Variants in MPPED2 observed in about 807,000 individuals in gnomAD.
MPPED2 encodes metallophosphoesterase MPPED2.
Under a neutral mutation model 33.0 loss-of-function variants are expected in MPPED2, and 5 were observed. The observed-to-expected ratio is 0.15, with a 90% CI of 0.08 to 0.32. The LOEUF (loss-of-function observed/expected upper bound fraction) is 0.32. Among genes scored for constraint, MPPED2 ranks in the 10% least tolerant of loss-of-function variants. The pLI is 1.00. For synonymous variants in MPPED2, 136 were observed against 141.9 expected (o/e 0.96, Z 0.29); for missense variants, 275 against 372.1 (o/e 0.74, Z 2.15).
chr11:30,556,556 A>G (rs1397153553), intron 2 of MPPED2, among the ~76,000 whole-genome samples: 2 of 152,214 alleles, frequency 1.3e-5, no homozygotes, highest in African/African-American at 2.4e-5. Context: ...CAAGTCTGTC[A>G]CTGCTTCCTT....
At chr11:30,517,945 A>T (rs1272002640) in intron 3 of MPPED2, among the ~76,000 whole-genome samples, 1 of 152,200 alleles carries the variant, frequency 6.6e-6, no homozygotes, top group African/African-American at 2.4e-5. Flanking sequence ...TGGTTTACTT[A>T]TGGTAAAAAC....
intron 1 of MPPED2, among the ~76,000 whole-genome samples, chr11:30,585,399 G>A (rs1366735352): frequency 4.0e-5 from 6 of 151,896 alleles, no homozygotes; most frequent in Admixed American, 1.3e-4. Flanking sequence ...GGCCCCGGGG[G>A]CGGCCGCGGG....
At chr11:30,391,696 A>G (rs1274464904) in intron 6 of MPPED2, among the ~76,000 whole-genome samples, 1 of 152,162 alleles carries the variant, frequency 6.6e-6, no homozygotes, top group Non-Finnish European at 1.5e-5. Context: ...AGTTCTCATT[A>G]TTTTCCAATC....
chr11:30,447,859 G>C (rs577295567), intron 4 of MPPED2, among the ~76,000 whole-genome samples: 10 of 152,096 alleles, frequency 6.6e-5, no homozygotes, highest in African/African-American at 2.2e-4. Flanking sequence ...TCCACGAGAC[G>C]TCACCCTACC....
At chr11:30,495,199 T>A in intron 4 of MPPED2, 97 bp downstream of exon 4, 1 of 838,488 alleles carries the variant, frequency 1.2e-6, no homozygotes, top group Non-Finnish European at 2.0e-6. Flanking sequence ...TTTCCTTTCA[T>A]CCTAATCATT....
At chr11:30,564,964 A>AT (rs1407981079) in intron 2 of MPPED2, among the ~76,000 whole-genome samples, 1 of 152,146 alleles carries the variant, frequency 6.6e-6, no homozygotes, top group Non-Finnish European at 1.5e-5. Context: ...ACTGACTCCA[A>AT]TTCATCAAAA....
intron 3 of MPPED2, among the ~76,000 whole-genome samples, chr11:30,529,576 C>T (rs1216813628): frequency 6.6e-6 from 1 of 152,066 alleles, no homozygotes; most frequent in Non-Finnish European, 1.5e-5. Flanking sequence ...TGAATTCACA[C>T]TAATGTTAAC....
chr11:30,533,859 C>T (rs1954670900), intron 3 of MPPED2, among the ~76,000 whole-genome samples: 1 of 152,184 alleles, frequency 6.6e-6, no homozygotes, highest in African/African-American at 2.4e-5. Flanking sequence ...TTAGTTATGA[C>T]ACATTTCCAT....
chr11:30,417,142 A>G (rs957669876), intron 5 of MPPED2, among the ~76,000 whole-genome samples: 3 of 152,122 alleles, frequency 2.0e-5, no homozygotes, highest in Non-Finnish European at 2.9e-5. Context: ...AATTTCCATC[A>G]TTTCATTGCC....
At chr11:30,510,066 A>G (rs886717511) in intron 3 of MPPED2, among the ~76,000 whole-genome samples, 3 of 152,208 alleles carry the variant, frequency 2.0e-5, no homozygotes, top group African/African-American at 4.8e-5. Flanking sequence ...ACTACCAGCA[A>G]GTATCATGCA....
intron 4 of MPPED2, among the ~76,000 whole-genome samples, chr11:30,485,857 G>A (rs1951722903): frequency 6.6e-6 from 1 of 152,108 alleles, no homozygotes; most frequent in Non-Finnish European, 1.5e-5. Flanking sequence ...CCTTGACATT[G>A]CTCTCACAAA....
At chr11:30,398,337 C>T (rs1041222911) in intron 6 of MPPED2, among the ~76,000 whole-genome samples, 4 of 152,190 alleles carry the variant, frequency 2.6e-5, no homozygotes, top group African/African-American at 4.8e-5. Context: ...CTGACCCAAA[C>T]TCTACCTACC....
At position 30,510,535 on chromosome 11, in the gene MPPED2, A is replaced by G. The variant is rs1296078715; in HGVS notation, c.311-15014T>C. 2.6e-5 allele frequency among the ~76,000 whole-genome samples: 4 copies of G among 152,298 alleles called. No homozygotes were observed. The East Asian group carries it at 7.7e-4, about 29-fold the overall frequency. Reference sequence around the variant, plus strand: ...AGAGCAAAAGATTTTCTAGATTGGTATCTTTTTATAATATGTAGGCTCATC... The same window carrying G: ...AGAGCAAAAGATTTTCTAGATTGGTGTCTTTTTATAATATGTAGGCTCATC... On this transcript the variant is annotated intron_variant, in intron 3 of 6. Coordinates refer to ENST00000358117, the MANE Select transcript of MPPED2 (RefSeq NM_001584.3).
In MPPED2 at chr11:30,410,650, CAGTTGT is replaced by C. The variant is rs1948070012; in HGVS notation, c.*812_*817del. On this transcript the variant is annotated 3_prime_UTR_variant, in exon 7 of 7. Transcript: ENST00000358117. ...TGTGTTGCTATACAGCATCCCTTTG[CAGTTGT>C]ACTGTCCTTGACAATAATAAACTCC... 3 of 985,572 alleles carry C rather than the reference CAGTTGT, an allele frequency of 3.0e-6. No homozygotes were observed. The highest frequency in any genetic ancestry group is 3.6e-6 in the Non-Finnish European group (3 of 829,816). The allele number at this position is 985,572 out of a possible 1,614,324, so 61.1% of individuals were successfully genotyped here. A position where few individuals can be genotyped will look rare whatever the true frequency, so the allele number is the denominator to read the frequency against.
At chr11:30,408,311 C>T (rs1948021717), downstream of MPPED2, among the ~76,000 whole-genome samples, 1 of 152,080 alleles carries the variant, frequency 6.6e-6, no homozygotes, top group African/African-American at 2.4e-5. Flanking sequence ...CAGGCTTGTG[C>T]CAGTCTCTCT....
chr11:30,520,232 T>C (rs1334633515), intron 3 of MPPED2, among the ~76,000 whole-genome samples: 1 of 152,172 alleles, frequency 6.6e-6, no homozygotes, highest in Non-Finnish European at 1.5e-5. Flanking sequence ...GTAAAAAAAG[T>C]TTACCCCAGT....
intron 3 of MPPED2, among the ~76,000 whole-genome samples, chr11:30,521,778 G>A (rs945346011): frequency 6.6e-6 from 1 of 152,140 alleles, no homozygotes; most frequent in Admixed American, 6.5e-5. Context: ...GGATCCTGGA[G>A]TCCCACCCTT....
chr11:30,444,944 G>T (rs1565074260), intron 4 of MPPED2, among the ~76,000 whole-genome samples: 2 of 151,990 alleles, frequency 1.3e-5, no homozygotes, highest in Non-Finnish European at 2.9e-5. Context: ...ATCCACATTG[G>T]GATAAAAGAA....
chr11:30,461,450 C>T (rs1950514972), intron 4 of MPPED2, among the ~76,000 whole-genome samples: 1 of 152,132 alleles, frequency 6.6e-6, no homozygotes, highest in Admixed American at 6.5e-5. Flanking sequence ...AGAGATGCTA[C>T]AGAACTGGCC....
Sources: allele counts gnomAD v4.1 joint callset (sites outside exome capture counted in the v4.1 genomes callset), GRCh38; gene constraint gnomAD v4.1.1; transcripts MANE v1.5; gene names NCBI Gene and HGNC (gene_info 2026-07-23, HGNC 2026-07-21).